NKAIN3: variants seen among roughly 807,000 people sequenced by gnomAD.
The protein encoded by NKAIN3 is sodium/potassium transporting ATPase interacting 3.
NKAIN3 carries 25 observed loss-of-function variants against 30.2 expected under a neutral mutation model. The observed-to-expected ratio is 0.83, with a 90% CI of 0.60 to 1.16. The LOEUF (loss-of-function observed/expected upper bound fraction) is 1.16, where lower values mean the gene tolerates loss of function less well. Among genes scored for constraint, NKAIN3 ranks in the 50% most tolerant of loss-of-function variants. The pLI is 0.00. For synonymous variants in NKAIN3, 91 were observed against 89.6 expected, an observed-to-expected ratio of 1.02 and a Z score of -0.09; for missense variants, 225 against 254.1, an observed-to-expected ratio of 0.89 and a Z score of 0.78.
intron 1 of NKAIN3, among the ~76,000 whole-genome samples, chr8:62,417,859 T>G (rs1804499883): frequency 6.6e-6 from 1 of 152,216 alleles, no homozygotes; most frequent in African/African-American, 2.4e-5. Flanking sequence ...TCCTTGTATA[T>G]TCTGCTTATT....
At chr8:62,878,654 AT>A (rs1820875775) in intron 4 of NKAIN3, among the ~76,000 whole-genome samples, 1 of 138,870 alleles carries the variant, frequency 7.2e-6, no homozygotes, top group South Asian at 2.5e-4. Context: ...TAATGCTATC[AT>A]TTTCCCCTCC....
At chr8:62,366,663 G>T (rs998692891) in intron 1 of NKAIN3, among the ~76,000 whole-genome samples, 2 of 152,024 alleles carry the variant, frequency 1.3e-5, no homozygotes, top group African/African-American at 4.8e-5. Context: ...CCAGTTCATT[G>T]ATCTTTTCTA....
At chr8:62,449,445 T>C (rs895088277) in intron 1 of NKAIN3, among the ~76,000 whole-genome samples, 8 of 152,036 alleles carry the variant, frequency 5.3e-5, no homozygotes. Context: ...CTGTCAAAAT[T>C]ATTTCTTTCA....
chr8:62,801,239 C>T (rs1818052473), intron 4 of NKAIN3, among the ~76,000 whole-genome samples: 1 of 152,236 alleles, frequency 6.6e-6, no homozygotes, highest in Non-Finnish European at 1.5e-5. Flanking sequence ...TTACATGTCC[C>T]TGTCTGACAG....
chr8:62,556,938 TA>T (rs1809416543), intron 1 of NKAIN3, among the ~76,000 whole-genome samples: 1 of 152,080 alleles, frequency 6.6e-6, no homozygotes, highest in African/African-American at 2.4e-5. Flanking sequence ...AATATACTTT[TA>T]AATTTTTTTT....
intron 4 of NKAIN3, chr8:62,855,861 T>C: frequency 1.3e-6 from 1 of 780,616 alleles, no homozygotes; most frequent in Non-Finnish European, 2.3e-6. Context: ...CAACTCCTCT[T>C]CCTGTGGCAC....
chr8:62,784,200 G>C (rs1202653719), intron 4 of NKAIN3, among the ~76,000 whole-genome samples: 1 of 151,876 alleles, frequency 6.6e-6, no homozygotes, highest in Non-Finnish European at 1.5e-5. Flanking sequence ...CAAACAATTT[G>C]TCTAGATGTT....
chr8:62,690,530 G>C (rs16929409), intron 3 of NKAIN3, among the ~76,000 whole-genome samples: 76 of 152,330 alleles, frequency 5.0e-4, no homozygotes, highest in Middle Eastern at 3.4e-3. Flanking sequence ...TCACTGGAAA[G>C]CATGGAGTAT....
At chr8:62,525,995 A>AT (rs1289811432) in intron 1 of NKAIN3, among the ~76,000 whole-genome samples, 1 of 152,082 alleles carries the variant, frequency 6.6e-6, no homozygotes, top group African/African-American at 2.4e-5. Context: ...TAGTGCTCGT[A>AT]TTTTTGGGTC....
intron 1 of NKAIN3, among the ~76,000 whole-genome samples, chr8:62,510,834 C>T (rs575295386): frequency 4.6e-5 from 7 of 152,142 alleles, no homozygotes; most frequent in Middle Eastern, 3.4e-3. Context: ...TCTTCTTTCA[C>T]CTGTTGGACT....
At chr8:62,865,707 C>T (rs1163167794) in intron 4 of NKAIN3, among the ~76,000 whole-genome samples, 1 of 152,070 alleles carries the variant, frequency 6.6e-6, no homozygotes, top group African/African-American at 2.4e-5. Flanking sequence ...AAGAAATTAT[C>T]AAGTTGGAAC....
intron 3 of NKAIN3, among the ~76,000 whole-genome samples, chr8:62,662,769 G>A (rs1812984863): frequency 6.6e-6 from 1 of 152,138 alleles, no homozygotes; most frequent in Non-Finnish European, 1.5e-5. Context: ...TACCAACTAT[G>A]TACAAAATAC....
At chr8:62,529,326 A>T (rs1808414879) in intron 1 of NKAIN3, among the ~76,000 whole-genome samples, 1 of 152,172 alleles carries the variant, frequency 6.6e-6, no homozygotes, top group Admixed American at 6.6e-5. Flanking sequence ...AATCTCACTG[A>T]CACATTGCTC....
chr8:62,740,831 T>G (rs1250000461), intron 3 of NKAIN3, among the ~76,000 whole-genome samples: 1 of 152,050 alleles, frequency 6.6e-6, no homozygotes, highest in African/African-American at 2.4e-5. Context: ...ATGAAAGAGC[T>G]CAAACATTTA....
intron 5 of NKAIN3, among the ~76,000 whole-genome samples, chr8:62,929,131 A>G (rs932467530): frequency 6.6e-6 from 1 of 152,208 alleles, no homozygotes. Flanking sequence ...GGAATCACTT[A>G]CTGGAAAGCC....
chr8:62,545,813 A>G (rs1224063605), intron 1 of NKAIN3, among the ~76,000 whole-genome samples: 1 of 152,184 alleles, frequency 6.6e-6, no homozygotes, highest in Non-Finnish European at 1.5e-5. Flanking sequence ...AAATTTTTCA[A>G]TCAAATAGAT....
intron 4 of NKAIN3, among the ~76,000 whole-genome samples, chr8:62,768,577 G>A (rs1004019083): frequency 2.0e-5 from 3 of 152,050 alleles, no homozygotes; most frequent in African/African-American, 7.2e-5. Flanking sequence ...TTCTATCACG[G>A]GAAATGAATG....
In NKAIN3 at chr8:62,971,691, A is replaced by C. The variant is rs913856349; in HGVS notation, c.*6284A>C. Among the ~76,000 whole-genome samples, 1 of 152,164 alleles carries C rather than the reference A, an allele frequency of 6.6e-6. No homozygotes were observed. The highest frequency in any genetic ancestry group is 1.5e-5 in the Non-Finnish European group (1 of 68,046). ...AAGAAGGAAAAATATTTATAAAATC[A>C]TACTTAGCAGTTTCAATCACACAGT... On this transcript the variant is annotated 3_prime_UTR_variant, in exon 7 of 7. Transcript: ENST00000623646.
chr8:62,417,680 G>T (rs749635653), intron 1 of NKAIN3, among the ~76,000 whole-genome samples: 13 of 152,164 alleles, frequency 8.5e-5, no homozygotes, highest in Non-Finnish European at 1.5e-4. Flanking sequence ...GGGGAGAGAT[G>T]ATATCTCATT....
Sources: gnomAD v4.1 joint callset for allele counts (sites outside exome capture counted in the v4.1 genomes callset) on GRCh38, gnomAD v4.1.1 for gene constraint, MANE v1.5 for transcripts, NCBI Gene and HGNC (gene_info 2026-07-23, HGNC 2026-07-21) for gene names.